The following ELP4 variants were observed in gnomAD, a reference collection of about 807,000 sequenced individuals.
ELP4 encodes the protein elongator acetyltransferase complex subunit 4, also known as elongator complex protein 4.
ELP4 carries 51 observed loss-of-function variants against 48.9 expected under a neutral mutation model. That is an observed-to-expected ratio of 1.04 (90% confidence interval 0.83 to 1.32). The LOEUF (loss-of-function observed/expected upper bound fraction) is 1.32. Ranked by LOEUF, ELP4 falls within the 40% of genes most tolerant of loss-of-function variation. The pLI is 0.00. For missense variants in ELP4, 519 were observed against 514.6 expected (o/e 1.01, Z -0.08); for synonymous variants, 210 against 189.2 (o/e 1.11, Z -0.90).
chr11:31,559,483 G>A (rs913896652), intron 3 of ELP4, among the ~76,000 whole-genome samples: 1 of 152,156 alleles, frequency 6.6e-6, no homozygotes, highest in Non-Finnish European at 1.5e-5. Context: ...AGACCATGAG[G>A]TGAAGCTTCT....
At chr11:31,662,449 T>C (rs886385617) in intron 9 of ELP4, 6 of 393,992 alleles carry the variant, frequency 1.5e-5, no homozygotes, top group Middle Eastern at 1.3e-3. Flanking sequence ...AGCTCCATGT[T>C]GTTGTTGTTG....
chr11:31,734,903 C>A (rs1480390924), intron 9 of ELP4, among the ~76,000 whole-genome samples: 2 of 152,106 alleles, frequency 1.3e-5, no homozygotes, highest in African/African-American at 4.8e-5. Context: ...ATAGCCAATA[C>A]AATCATGAGA....
At chr11:31,542,405 A>C (rs1409702588) in intron 3 of ELP4, among the ~76,000 whole-genome samples, 1 of 152,170 alleles carries the variant, frequency 6.6e-6, no homozygotes, top group Non-Finnish European at 1.5e-5. Flanking sequence ...ATGAGTGCTC[A>C]CCTGTACTTG....
intron 9 of ELP4, among the ~76,000 whole-genome samples, chr11:31,656,611 A>T (rs1245469225): frequency 6.6e-6 from 1 of 152,012 alleles, no homozygotes; most frequent in Non-Finnish European, 1.5e-5. Flanking sequence ...TAACTAAGTT[A>T]CTCAGGAAAT....
intron 9 of ELP4, among the ~76,000 whole-genome samples, chr11:31,693,375 G>T (rs1385067275): frequency 6.6e-6 from 1 of 151,400 alleles, no homozygotes; most frequent in African/African-American, 2.4e-5. Context: ...TGTTCTCATC[G>T]TTCAATTCCC....
intron 9 of ELP4, among the ~76,000 whole-genome samples, chr11:31,670,226 G>A (rs1195429700): frequency 6.6e-6 from 1 of 152,032 alleles, no homozygotes; most frequent in African/African-American, 2.4e-5. Context: ...TACCTATCAG[G>A]ATGACTAATT....
intron 5 of ELP4, among the ~76,000 whole-genome samples, chr11:31,607,535 G>A (rs566815949): frequency 3.9e-5 from 6 of 152,214 alleles, no homozygotes; most frequent in African/African-American, 1.2e-4. Flanking sequence ...CCTTAATCCC[G>A]TTTTTGAGAG....
intron 9 of ELP4, among the ~76,000 whole-genome samples, chr11:31,759,770 G>A (rs11031471): frequency 0.33 from 49,004 of 150,696 alleles, 9,149 homozygotes; most frequent in African/African-American, 0.52. Context: ...GCAGTGGCAC[G>A]GGCTTGGCTC....
Position 31,783,490 on chromosome 11 carries a change from T to G in ELP4, c.1241T>G (p.Met414Arg). 6 of 1,614,102 alleles carry G rather than the reference T, an allele frequency of 3.7e-6. No homozygotes were observed. The highest frequency in any genetic ancestry group is 5.1e-6 in the Non-Finnish European group (6 of 1,179,948). Residue 414 changes from methionine to arginine, a missense_variant, in exon 10 of 10, where the codon ATG (methionine) becomes AGG (arginine). Coordinates refer to ENST00000640961, the MANE Select transcript of ELP4 (RefSeq NM_019040.5). ...SAKRLGPGCG[M>R]MAGGKKHLDF The stretch of plus-strand genomic sequence containing the variant: ...AAGCGGCTGGGCCCAGGCTGTGGCA[T>G]GATGGCCGGAGGCAAGAAGCACCTG...
intron 4 of ELP4, 108 bp downstream of exon 4, chr11:31,595,009 G>A (rs1367396315): frequency 2.3e-6 from 2 of 887,978 alleles, no homozygotes; most frequent in Non-Finnish European, 3.2e-6. Flanking sequence ...TAAAGAATTA[G>A]CTGTTTCATT....
At chr11:31,608,370 A>G (rs1592154876) in intron 5 of ELP4, among the ~76,000 whole-genome samples, 1 of 152,000 alleles carries the variant, frequency 6.6e-6, no homozygotes, top group Non-Finnish European at 1.5e-5. Flanking sequence ...TGGAAGTGTT[A>G]TATGGAGAAT....
chr11:31,630,228 T>C (rs1419968279), intron 6 of ELP4, among the ~76,000 whole-genome samples: 3 of 22,100 alleles, frequency 1.4e-4, no homozygotes, highest in African/African-American at 4.9e-4. Context: ...TCTAAAATCC[T>C]TTTTTTTTTT....
chr11:31,627,061 C>T, intron 5 of ELP4, 49 bp from the exon 6 acceptor site: 3 of 1,013,736 alleles, frequency 3.0e-6, no homozygotes, highest in East Asian at 2.4e-5. Context: ...TTGTGTACTT[C>T]TTATGTAATA....
chr11:31,666,599 G>A (rs1234672577), intron 9 of ELP4, among the ~76,000 whole-genome samples: 1 of 151,128 alleles, frequency 6.6e-6, no homozygotes. Context: ...GGCTGAGGCA[G>A]GAGAATCACT....
Position 31,748,830 on chromosome 11 carries a change from C to A in ELP4, c.1144-34563C>A, listed in dbSNP as rs74556241. 3.4e-3 allele frequency among the ~76,000 whole-genome samples: 515 copies of A among 152,058 alleles called. 4 individuals are homozygous for A. The highest frequency in any genetic ancestry group is 0.012 in the African/African-American group (492 of 41,474). The stretch of plus-strand genomic sequence containing the variant: ...ACCAGCCTGGTGGACATAGCAAGAC[C>A]CCATCTGTATCAAATAAAGTAAAAT... On this transcript the variant is annotated intron_variant, in intron 9 of 9. Transcript: ENST00000640961.
At chr11:31,724,394 G>C (rs576638369) in intron 9 of ELP4, among the ~76,000 whole-genome samples, 1 of 152,302 alleles carries the variant, frequency 6.6e-6, no homozygotes, top group East Asian at 1.9e-4. Context: ...TGAAATCACT[G>C]TTTTAATTGA....
intron 9 of ELP4, among the ~76,000 whole-genome samples, chr11:31,778,705 G>A (rs912345477): frequency 7.2e-5 from 11 of 152,216 alleles, no homozygotes; most frequent in East Asian, 5.8e-4. Flanking sequence ...CTGAGGTTAC[G>A]TGGAGAGTGA....
chr11:31,573,378 A>C (rs1385678802), intron 3 of ELP4, among the ~76,000 whole-genome samples: 5 of 152,208 alleles, frequency 3.3e-5, no homozygotes, highest in Non-Finnish European at 2.9e-5. Context: ...TCTCGGTATC[A>C]AAATCTGTGT....
intron 9 of ELP4, among the ~76,000 whole-genome samples, chr11:31,714,420 A>G (rs1946800808): frequency 6.6e-6 from 1 of 152,144 alleles, no homozygotes. Flanking sequence ...TGTTTACTAT[A>G]TTTCATTTTA....
Sources: gnomAD v4.1 joint callset for allele counts (sites outside exome capture counted in the v4.1 genomes callset) on GRCh38, gnomAD v4.1.1 for gene constraint, MANE v1.5 for transcripts, NCBI Gene and HGNC (gene_info 2026-07-23, HGNC 2026-07-21) for gene names.